The following SPAG9 variants were observed in gnomAD, a reference collection of about 807,000 sequenced individuals.
SPAG9 encodes sperm associated antigen 9.
A neutral mutation model predicts 166.5 loss-of-function variants in SPAG9; 35 were observed. That is an observed-to-expected ratio of 0.21 (90% CI 0.16 to 0.28). The LOEUF is 0.28. SPAG9 is among the 10% of genes least tolerant of loss of function. The pLI, the probability that SPAG9 is intolerant of heterozygous loss-of-function variation, is 1.00. For missense variants in SPAG9, 1,235 were observed against 1,603.3 expected (o/e 0.77, Z 3.92); for synonymous variants, 534 against 565.5 (o/e 0.94, Z 0.79).
At chr17:51,110,392 A>T (rs1427058489) in intron 1 of SPAG9, among the ~76,000 whole-genome samples, 1 of 151,832 alleles carries the variant, frequency 6.6e-6, no homozygotes, top group Non-Finnish European at 1.5e-5. Flanking sequence ...ACCTTACAAA[A>T]AAAAAAAAAA....
intron 8 of SPAG9, among the ~76,000 whole-genome samples, chr17:51,018,700 G>A (rs1358052655): frequency 3.9e-5 from 6 of 152,132 alleles, no homozygotes; most frequent in Non-Finnish European, 5.9e-5. Flanking sequence ...GCAATCTTGT[G>A]AGTAACAAGC....
chr17:51,052,950 T>C (rs975016452), intron 3 of SPAG9, among the ~76,000 whole-genome samples: 5 of 151,858 alleles, frequency 3.3e-5, no homozygotes, highest in African/African-American at 1.2e-4. Flanking sequence ...TCCCAGCTAC[T>C]TGGGAGGCTG....
At chr17:51,114,799 A>C (rs984185862) in intron 1 of SPAG9, among the ~76,000 whole-genome samples, 1 of 152,026 alleles carries the variant, frequency 6.6e-6, no homozygotes, top group Non-Finnish European at 1.5e-5. Context: ...TGAAAATACA[A>C]AAATTAGCCG....
intron 1 of SPAG9, among the ~76,000 whole-genome samples, chr17:51,104,776 A>G (rs1294154929): frequency 6.6e-6 from 1 of 151,614 alleles, no homozygotes; most frequent in African/African-American, 2.4e-5. Flanking sequence ...TACTAAAAAT[A>G]CAAAAAATTA....
intron 2 of SPAG9, among the ~76,000 whole-genome samples, chr17:51,068,142 G>A (rs2047726127): frequency 6.6e-6 from 1 of 152,190 alleles, no homozygotes; most frequent in Non-Finnish European, 1.5e-5. Flanking sequence ...CTGGGCCTCA[G>A]AAGATTGACA....
rs200915454 is a variant in SPAG9, at chr17:50,982,684, A to T, written c.3089-12T>A. The T allele has an allele frequency of 1.7e-5, 27 of 1,597,476 alleles. No individual in the cohort carries two copies. The East Asian group carries it at 5.8e-4, about 34-fold the overall frequency. ...ATCCCACTGCCCATCTTTAAAAAAA[A>T]TAAAAGGTTATAGTAAATACATACC... On this transcript the variant is annotated splice_polypyrimidine_tract_variant and intron_variant, in intron 24 of 29. Transcript: ENST00000262013.
chr17:51,108,229 AT>A (rs1306723868), intron 1 of SPAG9, among the ~76,000 whole-genome samples: 3 of 151,986 alleles, frequency 2.0e-5, no homozygotes, highest in Non-Finnish European at 4.4e-5. Flanking sequence ...TCTACTAAAA[AT>A]ACAAAAATTA....
intron 1 of SPAG9, among the ~76,000 whole-genome samples, chr17:51,107,785 C>T (rs1001210344): frequency 2.0e-5 from 3 of 150,480 alleles, no homozygotes; most frequent in Non-Finnish European, 4.4e-5. Context: ...GCATGTGGCT[C>T]ACAACTATAA....
chr17:51,064,487 G>A (rs1369811462), intron 2 of SPAG9, among the ~76,000 whole-genome samples: 2 of 152,142 alleles, frequency 1.3e-5, no homozygotes, highest in Admixed American at 6.5e-5. Context: ...TGGGGGTGGA[G>A]GGTATCCCAT....
At chr17:51,029,350 GC>G (rs906945789) in intron 6 of SPAG9, among the ~76,000 whole-genome samples, 6 of 152,122 alleles carry the variant, frequency 3.9e-5, no homozygotes, top group African/African-American at 1.4e-4. Context: ...AGACACTTGT[GC>G]ATTGTTGGTA....
intron 2 of SPAG9, among the ~76,000 whole-genome samples, 153 bp downstream of exon 2, chr17:51,079,431 G>T (rs1339901806): frequency 6.6e-6 from 1 of 152,048 alleles, no homozygotes; most frequent in Non-Finnish European, 1.5e-5. Flanking sequence ...TAGAGACGAG[G>T]TTTCACCATG....
At chr17:50,988,610 T>A (rs1975264903) in intron 21 of SPAG9, among the ~76,000 whole-genome samples, 1 of 152,188 alleles carries the variant, frequency 6.6e-6, no homozygotes, top group Non-Finnish European at 1.5e-5. Context: ...GGCAGTGCAG[T>A]GGTGATATCA....
At chr17:50,996,455 C>A in intron 16 of SPAG9, 110 bp downstream of exon 16, 7 of 1,261,064 alleles carry the variant, frequency 5.6e-6, no homozygotes, top group Non-Finnish European at 7.8e-6. Context: ...CCAGTCCATG[C>A]GGCTGAGATG....
intron 27 of SPAG9, chr17:50,976,557 C>T (rs1974222105): frequency 6.5e-6 from 1 of 152,990 alleles, no homozygotes; most frequent in Middle Eastern, 3.4e-3. Flanking sequence ...TTTTGCAACA[C>T]AAAAACATTT....
intron 1 of SPAG9, among the ~76,000 whole-genome samples, chr17:51,087,452 C>T (rs940119226): frequency 2.0e-5 from 3 of 152,144 alleles, no homozygotes; most frequent in African/African-American, 4.8e-5. Context: ...TAGTAAGAGT[C>T]CTCTTTTTTC....
intron 23 of SPAG9, among the ~76,000 whole-genome samples, chr17:50,985,482 G>A (rs1339408051): frequency 6.6e-6 from 1 of 152,196 alleles, no homozygotes; most frequent in African/African-American, 2.4e-5. Flanking sequence ...GCAGTATGGT[G>A]AGGACTCAAT....
chr17:51,047,644 T>A (rs1370294034), intron 3 of SPAG9, among the ~76,000 whole-genome samples, 175 bp from the exon 4 acceptor site: 2 of 151,004 alleles, frequency 1.3e-5, no homozygotes, highest in Non-Finnish European at 2.9e-5. Flanking sequence ...AATATGCAAA[T>A]GCTTACATTT....
intron 25 of SPAG9, 43 bp from the exon 26 acceptor site, chr17:50,979,960 G>A (rs747175488): frequency 5.7e-6 from 9 of 1,581,726 alleles, no homozygotes; most frequent in Admixed American, 3.4e-5. Flanking sequence ...TTGCTACATA[G>A]AATTTCATAT....
At chr17:50,978,129 A>G (rs1974326190) in intron 26 of SPAG9, among the ~76,000 whole-genome samples, 1 of 152,196 alleles carries the variant, frequency 6.6e-6, no homozygotes, top group Admixed American at 6.5e-5. Flanking sequence ...TCTTATTTTC[A>G]GTGACTTGAA....
Sources: gnomAD v4.1 joint callset for allele counts (sites outside exome capture counted in the v4.1 genomes callset) on GRCh38, gnomAD v4.1.1 for gene constraint, MANE v1.5 for transcripts, NCBI Gene and HGNC (gene_info 2026-07-23, HGNC 2026-07-21) for gene names.